The following PARPBP variants were observed in gnomAD, a reference collection of about 807,000 sequenced individuals.
The protein encoded by PARPBP is PCNA-interacting partner.
PARPBP carries 52 observed loss-of-function variants against 50.0 expected under a neutral mutation model. The observed-to-expected ratio is 1.04, with a 90% CI of 0.83 to 1.31. The LOEUF is 1.31. Ranked by LOEUF, PARPBP falls within the 50% of genes most tolerant of loss-of-function variation. The pLI, the probability that PARPBP is intolerant of heterozygous loss-of-function variation, is 0.00. For synonymous variants in PARPBP, 244 were observed against 232.1 expected (o/e 1.05, Z -0.47); for missense variants, 697 against 672.0 (o/e 1.04, Z -0.41).
intron 2 of PARPBP, among the ~76,000 whole-genome samples, chr12:102,136,130 G>T (rs77791423): frequency 2.0e-3 from 301 of 152,236 alleles, no homozygotes; most frequent in African/African-American, 6.9e-3. Context: ...AGTCGTATTG[G>T]CATGTGCCAT....
At chr12:102,125,260 AG>A (rs1881811359) in intron 2 of PARPBP, among the ~76,000 whole-genome samples, 1 of 152,212 alleles carries the variant, frequency 6.6e-6, no homozygotes, top group Non-Finnish European at 1.5e-5. Context: ...TAGTACTGTA[AG>A]ATATTTAGTC....
chr12:102,165,141 G>T (rs912021505), intron 5 of PARPBP, among the ~76,000 whole-genome samples: 1 of 152,184 alleles, frequency 6.6e-6, no homozygotes, highest in African/African-American at 2.4e-5. Flanking sequence ...TTTCATGTTT[G>T]ATTGGAACAC....
intron 4 of PARPBP, among the ~76,000 whole-genome samples, chr12:102,158,167 T>A (rs1887169726): frequency 6.6e-6 from 1 of 151,460 alleles, no homozygotes; most frequent in South Asian, 2.1e-4. Context: ...CTAATTCTGT[T>A]ATGTCTTTAC....
At chr12:102,149,098 G>C (rs1217797376) in intron 3 of PARPBP, 1 of 151,918 alleles carries the variant, frequency 6.6e-6, no homozygotes. Flanking sequence ...AATATTTTTA[G>C]TTATTTGAAC....
chr12:102,146,663 A>G (rs916653136), intron 2 of PARPBP, among the ~76,000 whole-genome samples: 2 of 152,298 alleles, frequency 1.3e-5, no homozygotes, highest in African/African-American at 4.8e-5. Context: ...ATGAGCAAGG[A>G]CTTCATGTCT....
rs528751575 is a variant in PARPBP at position 102,164,706 on chromosome 12, T to C, written c.666+98T>C. ...CTAGGATGAAACAACTTTTAAGTGG[T>C]TAATTTATGTTCTACCTCTGTATTT... On this transcript the variant is annotated intron_variant, in intron 5 of 10. Coordinates refer to ENST00000327680, the MANE Select transcript of PARPBP (RefSeq NM_017915.5). 86 of 916,652 alleles carry C rather than the reference T, an allele frequency of 9.4e-5. No individual in the cohort carries two copies. The African/African-American group carries it at 1.2e-3, about 13-fold the overall frequency. The allele number at this position is 916,652 out of a possible 1,614,324, so 56.8% of individuals were successfully genotyped here. A position where few individuals can be genotyped will look rare whatever the true frequency, so the allele number is the denominator to read the frequency against.
chr12:102,150,324 A>G (rs1412920384), intron 3 of PARPBP: 1 of 453,128 alleles, frequency 2.2e-6, no homozygotes, highest in South Asian at 1.6e-5. Context: ...TGATTTCTCA[A>G]AAATGCACTA....
At chr12:102,144,312 G>C (rs926045063) in intron 2 of PARPBP, among the ~76,000 whole-genome samples, 2 of 152,138 alleles carry the variant, frequency 1.3e-5, no homozygotes, top group Non-Finnish European at 2.9e-5. Context: ...TTTTATTCTT[G>C]TGCAATACAA....
At chr12:102,138,323 A>G (rs1210922444) in intron 2 of PARPBP, among the ~76,000 whole-genome samples, 1 of 152,072 alleles carries the variant, frequency 6.6e-6, no homozygotes. Flanking sequence ...GTATCTGTTC[A>G]TATCCTTTGT....
chr12:102,161,104 C>T lies in PARPBP; in HGVS notation c.496-3334C>T, dbSNP rs1021963282. On this transcript the variant is annotated intron_variant, in intron 4 of 10. Coordinates refer to ENST00000327680, the MANE Select transcript of PARPBP (RefSeq NM_017915.5). The stretch of plus-strand genomic sequence containing the variant: ...AAAAAATATGGCATTTATTTTATCC[C>T]AGGTAAGTTTTTTTTTCTTTGGAGA... 2.1e-5 allele frequency among the ~76,000 whole-genome samples: 3 copies of T among 140,542 alleles called. No homozygotes were observed. In the East Asian group the frequency reaches 6.9e-4, roughly 32 times the overall value. 92.2% of individuals were successfully genotyped at this position (140,542 alleles called of 152,430 possible). A position where few individuals can be genotyped will look rare whatever the true frequency, so the allele number is the denominator to read the frequency against.
chr12:102,190,566 T>G (rs1297024666), intron 9 of PARPBP, among the ~76,000 whole-genome samples: 3 of 152,088 alleles, frequency 2.0e-5, no homozygotes, highest in Non-Finnish European at 4.4e-5. Flanking sequence ...CAGTCAGCTC[T>G]TGAGGCTAAA....
intron 4 of PARPBP, 152 bp from the exon 5 acceptor site, chr12:102,164,286 C>T: frequency 1.6e-6 from 1 of 624,744 alleles, no homozygotes; most frequent in Non-Finnish European, 2.7e-6. Flanking sequence ...TATTGATTGC[C>T]CAACCTGTTT....
chr12:102,185,716 T>C (rs1000033222), intron 9 of PARPBP, among the ~76,000 whole-genome samples: 1 of 152,180 alleles, frequency 6.6e-6, no homozygotes, highest in African/African-American at 2.4e-5. Context: ...TGGAGTACAG[T>C]GGCGTGATCT....
intron 2 of PARPBP, among the ~76,000 whole-genome samples, chr12:102,131,284 C>A (rs1427223184): frequency 6.6e-6 from 1 of 152,162 alleles, no homozygotes; most frequent in African/African-American, 2.4e-5. Context: ...GAGATTACAC[C>A]ACTGCACTCC....
intron 9 of PARPBP, among the ~76,000 whole-genome samples, chr12:102,193,107 T>C (rs1194567437): frequency 6.6e-6 from 1 of 151,864 alleles, no homozygotes; most frequent in Non-Finnish European, 1.5e-5. Context: ...TACTGGGGTC[T>C]CTGAGGAGTT....
intron 2 of PARPBP, among the ~76,000 whole-genome samples, chr12:102,146,116 A>G (rs1262243971): frequency 1.3e-5 from 2 of 152,236 alleles, no homozygotes; most frequent in African/African-American, 2.4e-5. Flanking sequence ...GGAAGAATCA[A>G]TATGGTGAAA....
intron 4 of PARPBP, among the ~76,000 whole-genome samples, chr12:102,157,052 A>G (rs1222373096): frequency 6.6e-6 from 1 of 152,196 alleles, no homozygotes; most frequent in Non-Finnish European, 1.5e-5. Flanking sequence ...TTTGACAAAC[A>G]TTGCTGAGGT....
chr12:102,123,829 A>C (rs964251027), intron 1 of PARPBP, 57 bp from the exon 2 acceptor site: 9 of 1,206,972 alleles, frequency 7.5e-6, no homozygotes, highest in Non-Finnish European at 1.1e-5. Context: ...TACATGTTAA[A>C]TGTTAATTTC....
intron 6 of PARPBP, among the ~76,000 whole-genome samples, chr12:102,166,480 A>G (rs1439694014): frequency 6.6e-6 from 1 of 152,170 alleles, no homozygotes; most frequent in Non-Finnish European, 1.5e-5. Context: ...TTGGTATCCT[A>G]TAACATAAAT....
Sources: allele counts gnomAD v4.1 joint callset (sites outside exome capture counted in the v4.1 genomes callset), GRCh38; gene constraint gnomAD v4.1.1; transcripts MANE v1.5; gene names NCBI Gene and HGNC (gene_info 2026-07-23, HGNC 2026-07-21).